The following PRMT8 variants were observed in gnomAD, a reference collection of about 807,000 sequenced individuals.
PRMT8 encodes the protein protein arginine N-methyltransferase 8.
PRMT8 carries 7 observed loss-of-function variants against 47.1 expected under a neutral mutation model. That is an observed-to-expected ratio of 0.15 (90% CI 0.08 to 0.28). The LOEUF (loss-of-function observed/expected upper bound fraction) is 0.28. Among genes scored for constraint, PRMT8 ranks in the 10% least tolerant of loss-of-function variants. The pLI is 1.00. For missense variants in PRMT8, 237 were observed against 505.4 expected, an observed-to-expected ratio of 0.47 and a Z score of 5.09; for synonymous variants, 188 against 186.5, an observed-to-expected ratio of 1.01 and a Z score of -0.07.
At chr12:3,494,493 C>T (rs562237902) in intron 1 of PRMT8, among the ~76,000 whole-genome samples, 2 of 152,304 alleles carry the variant, frequency 1.3e-5, no homozygotes, top group African/African-American at 4.8e-5. Flanking sequence ...TGATTCATTG[C>T]TGTTTGCCCT....
intron 1 of PRMT8, among the ~76,000 whole-genome samples, chr12:3,464,958 C>A (rs1035072166): frequency 1.3e-4 from 20 of 151,562 alleles, no homozygotes; most frequent in Non-Finnish European, 2.4e-4. Context: ...AACCCTGTCT[C>A]TACTAAAAAT....
rs1866690132 is a variant in PRMT8, at chr12:3,564,714, T to A, written c.482-3992T>A. On this transcript the variant is annotated intron_variant, in intron 4 of 9. Coordinates refer to ENST00000382622, the MANE Select transcript of PRMT8 (RefSeq NM_019854.5). This position sits in a 1 kb window ranked among gnomAD's most constrained non-coding sequence, Gnocchi z 4.0. The stretch of plus-strand genomic sequence containing the variant: ...CAACCTTGAGTTGATGCAGTTTTAG[T>A]GACTTGGGGTCCAGATTGGGCATGG... Among the ~76,000 whole-genome samples the A allele has an allele frequency of 6.6e-6, 1 of 152,256 alleles. No individual in the cohort carries two copies. Among genetic ancestry groups the A allele is most frequent in the Admixed American group, 6.5e-5 (1 of 15,292 alleles).
At chr12:3,512,668 C>T (rs2137131240) in intron 1 of PRMT8, among the ~76,000 whole-genome samples, 1 of 152,332 alleles carries the variant, frequency 6.6e-6, no homozygotes, top group Admixed American at 6.5e-5. Flanking sequence ...ATCCACATTG[C>T]CCTAGATCAG....
At chr12:3,386,528 T>A (rs1329041290) in intron 1 of PRMT8, among the ~76,000 whole-genome samples, 3 of 152,210 alleles carry the variant, frequency 2.0e-5, no homozygotes, top group African/African-American at 7.2e-5. Context: ...ATTCTTTCTG[T>A]TGATTCCATA....
rs953240426 is a variant in PRMT8, at chr12:3,480,900, C to T, written c.49-59706C>T. ...GAATCTCCTTTTGAAACAGAAGTCC[C>T]TCTGGGAAAGCTAAGTGTTGATAGC... is the stretch of plus-strand genomic sequence containing the variant. On this transcript the variant is annotated intron_variant, in intron 1 of 9. Coordinates refer to the PRMT8 transcript ENST00000452611. Among the ~76,000 whole-genome samples the T allele has an allele frequency of 2.0e-5, 3 of 152,150 alleles. No homozygotes were observed. The South Asian group carries it at 6.2e-4, about 32-fold the overall frequency.
intron 1 of PRMT8, among the ~76,000 whole-genome samples, chr12:3,439,481 G>A (rs550418682): frequency 6.6e-6 from 1 of 152,176 alleles, no homozygotes; most frequent in African/African-American, 2.4e-5. Flanking sequence ...CTAAACAAAC[G>A]TATTTTTAAA....
intron 1 of PRMT8, among the ~76,000 whole-genome samples, chr12:3,415,249 C>T (rs138786767): frequency 5.9e-5 from 9 of 152,160 alleles, no homozygotes; most frequent in South Asian, 4.1e-4. Context: ...GGAGCTTCCA[C>T]GCCTTTCCTG....
At chr12:3,457,064 GTTGTTTTGTT>G (rs886944016) in intron 1 of PRMT8, among the ~76,000 whole-genome samples, 6 of 152,158 alleles carry the variant, frequency 3.9e-5, no homozygotes, top group Admixed American at 1.3e-4. Context: ...GAAGAGTGCT[GTTGTTTTGTT>G]TTGTTTTGTT....
At chr12:3,565,928 T>C (rs1866711944) in intron 4 of PRMT8, among the ~76,000 whole-genome samples, 1 of 152,092 alleles carries the variant, frequency 6.6e-6, no homozygotes. Context: ...GGTGGAGCCT[T>C]GTACTAAACA....
At chr12:3,386,187 T>C (rs1864136084) in intron 1 of PRMT8, among the ~76,000 whole-genome samples, 2 of 152,240 alleles carry the variant, frequency 1.3e-5, no homozygotes, top group African/African-American at 2.4e-5. Context: ...TCTTTGTGTC[T>C]TTGGGCTGAG....
chr12:3,437,977 A>C (rs1012091975), intron 1 of PRMT8, among the ~76,000 whole-genome samples: 1 of 152,168 alleles, frequency 6.6e-6, no homozygotes, highest in African/African-American at 2.4e-5. Context: ...TAATTGAAGA[A>C]CAGGACTCTT....
At position 3,514,225 on chromosome 12, in the gene PRMT8, T is replaced by TTTTTTTTTTC. The variant is rs1475038543; in HGVS notation, c.75+22525_75+22526insTTTTTTTTTC. Reference sequence around the variant, plus strand: ...ATTCATCCTGCCTTTTTTTTTTTTTTCTGTTACCCCTAAGGTGCTCTTTTG... The same window carrying TTTTTTTTTTC: ...ATTCATCCTGCCTTTTTTTTTTTTTTTTTTTTTTTCCTGTTACCCCTAAGGTGCTCTTTTG... On this transcript the variant is annotated intron_variant, in intron 1 of 9. Coordinates refer to ENST00000382622, the MANE Select transcript of PRMT8 (RefSeq NM_019854.5). The surrounding 1 kb of genome is among the most constrained non-coding windows in gnomAD (Gnocchi z 5.9). 6.6e-6 allele frequency among the ~76,000 whole-genome samples: 1 copy of TTTTTTTTTTC among 151,848 alleles called. No homozygotes were observed. Among genetic ancestry groups the TTTTTTTTTTC allele is most frequent in the African/African-American group, 2.4e-5 (1 of 41,280 alleles).
intron 3 of PRMT8, 181 bp from the exon 4 acceptor site, chr12:3,553,470 G>T: frequency 1.6e-6 from 1 of 618,334 alleles, no homozygotes; most frequent in Non-Finnish European, 2.9e-6. Context: ...TTTCGTGGAA[G>T]GCCGCTGGCC....
intron 1 of PRMT8, among the ~76,000 whole-genome samples, chr12:3,517,332 G>A (rs766968312): frequency 6.6e-6 from 1 of 152,138 alleles, no homozygotes; most frequent in African/African-American, 2.4e-5. Flanking sequence ...CTGTGCCCGC[G>A]TGGAGTGAGT....
rs1238199198 is a variant in PRMT8 at position 3,453,769 on chromosome 12, G to A, written c.48+72327G>A. Reference sequence around the variant, plus strand: ...GTCTGTGTCCTGACGTGGCCCGACTGTGGACCCCCTTGTCCTCCTGCCCGC... The same window carrying A: ...GTCTGTGTCCTGACGTGGCCCGACTATGGACCCCCTTGTCCTCCTGCCCGC... On this transcript the variant is annotated intron_variant, in intron 1 of 9. Coordinates refer to the PRMT8 transcript ENST00000452611. This position sits in a 1 kb window ranked among gnomAD's most constrained non-coding sequence, Gnocchi z 4.9. 2.0e-5 allele frequency among the ~76,000 whole-genome samples: 3 copies of A among 151,988 alleles called. No homozygotes were observed. The highest frequency in any genetic ancestry group is 2.1e-4 in the South Asian group (1 of 4,818).
rs150414451 is a variant in PRMT8, at chr12:3,583,084, G to A, written c.855G>A (p.Thr285=). 17 of 1,613,862 alleles carry A rather than the reference G, an allele frequency of 1.1e-5. No homozygotes were observed. In the African/African-American group the frequency reaches 1.6e-4, roughly 15 times the overall value. Residue 285 remains threonine (T), a synonymous_variant, in exon 8 of 10, where the codon ACG becomes ACA. Transcript: ENST00000382622. This position sits in a 1 kb window ranked among gnomAD's most constrained non-coding sequence, Gnocchi z 4.7. ...IKEVDIYTVK[T]EELSFTSAFC... is the part of the protein sequence containing the mutation. ...AGGTGGACATTTACACAGTGAAGAC[G>A]GAAGAGCTATCGTTCACATCTGCAT...
intron 1 of PRMT8, among the ~76,000 whole-genome samples, chr12:3,406,086 C>T (rs1258032658): frequency 6.6e-6 from 1 of 152,266 alleles, no homozygotes; most frequent in Non-Finnish European, 1.5e-5. Context: ...AACTTCCATT[C>T]TTGTCTTCCA....
intron 1 of PRMT8, among the ~76,000 whole-genome samples, chr12:3,408,551 A>G (rs1318458033): frequency 6.6e-6 from 1 of 152,162 alleles, no homozygotes; most frequent in African/African-American, 2.4e-5. Context: ...TTTCTTAAGA[A>G]CATTATTTTG....
At chr12:3,520,913 G>C (rs6489474) in intron 1 of PRMT8, among the ~76,000 whole-genome samples, 122,353 of 152,144 alleles carry the variant, frequency 0.8, 49,494 homozygotes, top group Non-Finnish European at 0.84. Flanking sequence ...CAAACAAGTT[G>C]TAAAAAGCCA....
Sources: gnomAD v4.1 joint callset for allele counts (sites outside exome capture counted in the v4.1 genomes callset) on GRCh38, gnomAD v4.1.1 for gene constraint, Gnocchi (gnomAD v3.1) non-coding constraint, MANE v1.5 for transcripts, NCBI Gene and HGNC (gene_info 2026-07-23, HGNC 2026-07-21) for gene names.